Variants in CACHD1 observed in about 807,000 individuals in gnomAD.
CACHD1 encodes VWFA and cache domain-containing protein 1.
Under a neutral mutation model 138.7 loss-of-function variants are expected in CACHD1, and 71 were observed. That is an observed-to-expected ratio of 0.51 (90% CI 0.42 to 0.62). CACHD1 has a LOEUF of 0.62. CACHD1 is among the 20% of genes least tolerant of loss of function. The pLI is 0.00. For synonymous variants in CACHD1, 578 were observed against 591.5 expected (o/e 0.98, Z 0.33); for missense variants, 1,389 against 1,625.3 (o/e 0.85, Z 2.50).
chr1:64,488,971 G>A (rs904808312), intron 1 of CACHD1, among the ~76,000 whole-genome samples: 22 of 152,178 alleles, frequency 1.4e-4, no homozygotes, highest in Non-Finnish European at 2.9e-4. Context: ...AAGCAAGCTG[G>A]GAACAGCAGG....
chr1:64,477,632 T>TA lies in CACHD1; in HGVS notation c.198+6690_198+6691insA, dbSNP rs1557455128. The stretch of plus-strand genomic sequence containing the variant: ...TTATTATTATTATTATTATTTTATT[T>TA]TATTTTTTTTTTTGAGACGGAGTCT... On this transcript the variant is annotated intron_variant, in intron 1 of 26. Transcript: ENST00000651257. 2.1e-4 allele frequency among the ~76,000 whole-genome samples: 29 copies of TA among 140,908 alleles called. 1 individual carries two copies. Among genetic ancestry groups the TA allele is most frequent in the Middle Eastern group, 3.6e-3 (1 of 276 alleles). 92.4% of individuals were successfully genotyped at this position (140,908 alleles called of 152,430 possible).
chr1:64,493,188 G>C (rs1326665325), intron 1 of CACHD1, among the ~76,000 whole-genome samples: 1 of 152,228 alleles, frequency 6.6e-6, no homozygotes, highest in East Asian at 1.9e-4. Context: ...TGCTTTTTGA[G>C]TGAAAGATTT....
chr1:64,556,660 A>G (rs996175642), intron 2 of CACHD1, among the ~76,000 whole-genome samples: 2 of 124,490 alleles, frequency 1.6e-5, no homozygotes, highest in South Asian at 3.3e-4. Context: ...ACTCTTGGGT[A>G]TACAGTTTTA....
intron 4 of CACHD1, among the ~76,000 whole-genome samples, chr1:64,624,561 A>G (rs1648032867): frequency 6.6e-6 from 1 of 152,166 alleles, no homozygotes; most frequent in African/African-American, 2.4e-5. Flanking sequence ...AGCCTCTTCC[A>G]TGTTTACACA....
intron 26 of CACHD1, among the ~76,000 whole-genome samples, chr1:64,682,828 A>G (rs765115380): frequency 9.2e-5 from 14 of 152,142 alleles, no homozygotes; most frequent in Non-Finnish European, 1.9e-4. Context: ...ATCCCAGTCT[A>G]TAAGCATCAC....
At chr1:64,623,956 C>T (rs1006315956) in intron 4 of CACHD1, among the ~76,000 whole-genome samples, 1 of 152,178 alleles carries the variant, frequency 6.6e-6, no homozygotes, top group Non-Finnish European at 1.5e-5. Context: ...TGTGGCTAGA[C>T]ACCAGCCCAA....
chr1:64,530,512 G>GA (rs1557478060), intron 1 of CACHD1, among the ~76,000 whole-genome samples: 1 of 149,636 alleles, frequency 6.7e-6, no homozygotes, highest in East Asian at 1.9e-4. Context: ...ATGGTGAAGA[G>GA]TTTTTTTTTT....
intron 2 of CACHD1, among the ~76,000 whole-genome samples, chr1:64,564,944 A>C (rs1646870098): frequency 6.6e-6 from 1 of 151,974 alleles, no homozygotes; most frequent in Non-Finnish European, 1.5e-5. Flanking sequence ...GAGCGGGTAC[A>C]GAAGAGTTGA....
At chr1:64,550,781 C>A in intron 2 of CACHD1, 125 bp downstream of exon 2, 1 of 626,446 alleles carries the variant, frequency 1.6e-6, no homozygotes, top group Non-Finnish European at 2.8e-6. Flanking sequence ...ATTTCACGTG[C>A]ATCTCATGCA....
chr1:64,517,705 G>A (rs1312327023), intron 1 of CACHD1, among the ~76,000 whole-genome samples: 2 of 152,164 alleles, frequency 1.3e-5, no homozygotes, highest in South Asian at 2.1e-4. Flanking sequence ...GAGGAATGAC[G>A]TGATTGACTT....
At chr1:64,681,205 G>A (rs1650161443) in intron 24 of CACHD1, 53 bp from the exon 25 acceptor site, 41 of 1,363,066 alleles carry the variant, frequency 3.0e-5, no homozygotes, top group Non-Finnish European at 4.3e-5. Context: ...TATTAAAGCG[G>A]GTGATTTTGT....
At chr1:64,522,028 G>A (rs575286435) in intron 1 of CACHD1, among the ~76,000 whole-genome samples, 20 of 152,078 alleles carry the variant, frequency 1.3e-4, no homozygotes, top group African/African-American at 4.3e-4. Context: ...AGAATCATTG[G>A]CCAAATCCAA....
chr1:64,648,784 A>G (rs1648993349), intron 9 of CACHD1, among the ~76,000 whole-genome samples: 1 of 152,214 alleles, frequency 6.6e-6, no homozygotes, highest in Non-Finnish European at 1.5e-5. Flanking sequence ...TGACCTATAA[A>G]ATAGAATCTG....
chr1:64,599,194 C>T (rs1647189880), intron 3 of CACHD1, among the ~76,000 whole-genome samples: 1 of 151,860 alleles, frequency 6.6e-6, no homozygotes, highest in African/African-American at 2.4e-5. Context: ...GTTCATGAAC[C>T]AGCTAGTTTA....
At chr1:64,511,224 T>C (rs1334052573) in intron 1 of CACHD1, among the ~76,000 whole-genome samples, 1 of 152,204 alleles carries the variant, frequency 6.6e-6, no homozygotes, top group Non-Finnish European at 1.5e-5. Flanking sequence ...TTTTTTTCCT[T>C]ATTTGATGTT....
chr1:64,653,766 C>T lies in CACHD1; in HGVS notation c.1549C>T (p.Leu517Phe). The T allele has an allele frequency of 6.2e-7, 1 of 1,613,146 alleles. No homozygotes were observed. The highest frequency in any genetic ancestry group is 8.5e-7 in the Non-Finnish European group (1 of 1,179,314). Reference protein sequence around the residue: ...TFLIDDKGYTLMHPSLTRPYL... With the variant: ...TFLIDDKGYTFMHPSLTRPYL... ...TTGTTTTCTTATTGCAGGATATACA[C>T]TTATGCACCCATCTCTTACCAGGCC... Residue 517 changes from leucine (L) to phenylalanine (F), a missense_variant, in exon 11 of 27, where the codon CTT becomes TTT. Around this residue, in one of 5 missense-constraint regions of CACHD1, gnomAD observed 1,000 missense variants for 1,114.7 expected, o/e 0.90. Coordinates refer to ENST00000651257, the MANE Select transcript of CACHD1 (RefSeq NM_020925.4).
intron 2 of CACHD1, among the ~76,000 whole-genome samples, 160 bp from the exon 3 acceptor site, chr1:64,581,996 C>T (rs1015133053): frequency 6.6e-6 from 1 of 152,180 alleles, no homozygotes; most frequent in Non-Finnish European, 1.5e-5. Flanking sequence ...CAATTTTTAT[C>T]TCAACCCACA....
intron 1 of CACHD1, among the ~76,000 whole-genome samples, chr1:64,523,252 A>C (rs1333164387): frequency 2.0e-5 from 3 of 152,252 alleles, no homozygotes; most frequent in Non-Finnish European, 4.4e-5. Context: ...GAAAGTGAGC[A>C]TATAGATGAA....
At chr1:64,597,462 C>T (rs1052238887) in intron 3 of CACHD1, among the ~76,000 whole-genome samples, 4 of 148,004 alleles carry the variant, frequency 2.7e-5, no homozygotes, top group Non-Finnish European at 4.4e-5. Flanking sequence ...TTTTCTCCCT[C>T]GGGATGCAGT....
Sources: allele counts gnomAD v4.1 joint callset (sites outside exome capture counted in the v4.1 genomes callset), GRCh38; gene constraint gnomAD v4.1.1; regional missense constraint gnomAD v4.1.1; transcripts MANE v1.5; gene names NCBI Gene and HGNC (gene_info 2026-07-23, HGNC 2026-07-21).